RAB3C: variants seen among roughly 807,000 people sequenced by gnomAD.
RAB3C encodes the protein ras-related protein Rab-3C.
RAB3C carries 17 observed loss-of-function variants against 26.4 expected under a neutral mutation model. That is an observed-to-expected ratio of 0.64 (90% confidence interval 0.44 to 0.97). RAB3C has a LOEUF of 0.97. RAB3C is among the 50% of genes least tolerant of loss of function. RAB3C has a pLI of 0.00. For missense variants in RAB3C, 242 were observed against 281.9 expected, an observed-to-expected ratio of 0.86 and a Z score of 1.01; for synonymous variants, 91 against 95.9, an observed-to-expected ratio of 0.95 and a Z score of 0.30.
At chr5:58,662,685 C>A (rs1192519823) in intron 2 of RAB3C, among the ~76,000 whole-genome samples, 1 of 150,032 alleles carries the variant, frequency 6.7e-6, no homozygotes, top group Non-Finnish European at 1.5e-5. Context: ...AAGCCAGACA[C>A]AGAAGAGAAT....
At chr5:58,597,822 C>G (rs111217311) in intron 1 of RAB3C, among the ~76,000 whole-genome samples, 1 of 25,280 alleles carries the variant, frequency 4.0e-5, no homozygotes, top group East Asian at 5.4e-4. Context: ...TATAAGTATA[C>G]GATAACATGT....
At chr5:58,723,648 A>G (rs1209011500) in intron 2 of RAB3C, among the ~76,000 whole-genome samples, 1 of 151,792 alleles carries the variant, frequency 6.6e-6, no homozygotes, top group African/African-American at 2.4e-5. Context: ...AGCAAATTCA[A>G]CATGAGCCCT....
chr5:58,829,616 A>C (rs1180448297), intron 4 of RAB3C, among the ~76,000 whole-genome samples: 2 of 152,216 alleles, frequency 1.3e-5, no homozygotes, highest in Non-Finnish European at 2.9e-5. Flanking sequence ...ATTATTAATA[A>C]TTTGTAAGGA....
intron 2 of RAB3C, among the ~76,000 whole-genome samples, chr5:58,703,117 C>G (rs1406923588): frequency 2.0e-5 from 3 of 151,992 alleles, no homozygotes; most frequent in African/African-American, 4.8e-5. Flanking sequence ...ACGTGGCAAC[C>G]AAAATTATAT....
At chr5:58,712,956 G>A (rs531793229) in intron 2 of RAB3C, among the ~76,000 whole-genome samples, 47 of 152,302 alleles carry the variant, frequency 3.1e-4, no homozygotes, top group Non-Finnish European at 6.5e-4. Context: ...ATAGGTACAG[G>A]CTGGGAAACA....
intron 2 of RAB3C, among the ~76,000 whole-genome samples, chr5:58,680,834 C>G (rs1579854387): frequency 6.6e-6 from 1 of 152,202 alleles, no homozygotes; most frequent in Admixed American, 6.5e-5. Context: ...GACCCTTAAT[C>G]ACATCTTCTA....
At chr5:58,833,237 T>C (rs1467401625) in intron 4 of RAB3C, among the ~76,000 whole-genome samples, 3 of 152,072 alleles carry the variant, frequency 2.0e-5, no homozygotes, top group Admixed American at 6.6e-5. Flanking sequence ...GGGTAAATTA[T>C]GGCGAGGCCT....
chr5:58,799,855 T>C lies in RAB3C; in HGVS notation c.372-25183T>C, dbSNP rs1218758109. On this transcript the variant is annotated intron_variant, in intron 3 of 4. Coordinates refer to ENST00000282878, the MANE Select transcript of RAB3C (RefSeq NM_138453.4). ...AAGACAACTTTAAAGATAGCTTTAA[T>C]AGAAGTCAATGTAATATACAGTTGT... Among the ~76,000 whole-genome samples the C allele has an allele frequency of 2.0e-5, 3 of 152,192 alleles. No homozygotes were observed. In the East Asian group the frequency reaches 5.8e-4, roughly 29 times the overall value.
intron 2 of RAB3C, among the ~76,000 whole-genome samples, chr5:58,724,888 A>G (rs1016018626): frequency 1.3e-5 from 2 of 151,488 alleles, no homozygotes; most frequent in South Asian, 2.1e-4. Context: ...ATATATTTAT[A>G]TTGCCTTTCT....
rs137969219 is a variant in RAB3C at position 58,587,549 on chromosome 5, C to T, written c.24+4317C>T. ...AATAACATAGATCTTTAGCATTTTTCGTTCATTAGTTTATAGGTTTTTAGA... is the reference window on the plus strand; with the variant it reads ...AATAACATAGATCTTTAGCATTTTTTGTTCATTAGTTTATAGGTTTTTAGA... On this transcript the variant is annotated intron_variant, in intron 1 of 4. Coordinates refer to ENST00000282878, the MANE Select transcript of RAB3C (RefSeq NM_138453.4). Among the ~76,000 whole-genome samples the T allele has an allele frequency of 8.9e-3, 1,358 of 152,118 alleles. 6 individuals carry two copies. The highest frequency in any genetic ancestry group is 0.015 in the Non-Finnish European group (1,039 of 67,988).
intron 2 of RAB3C, among the ~76,000 whole-genome samples, chr5:58,681,937 T>C (rs2111842022): frequency 6.6e-6 from 1 of 152,340 alleles, no homozygotes; most frequent in Non-Finnish European, 1.5e-5. Flanking sequence ...TTTGAGGCTG[T>C]GCAAAGGAAA....
In RAB3C at chr5:58,851,412, A is replaced by G; in HGVS notation, c.*61A>G. The G allele has an allele frequency of 7.4e-7, 1 of 1,360,038 alleles. No homozygotes were observed. Among genetic ancestry groups the G allele is most frequent in the Non-Finnish European group, 1.0e-6 (1 of 993,970 alleles). The allele number at this position is 1,360,038 out of a possible 1,614,324, so 84.2% of individuals were successfully genotyped here. On this transcript the variant is annotated 3_prime_UTR_variant, in exon 5 of 5. Coordinates refer to ENST00000282878, the MANE Select transcript of RAB3C (RefSeq NM_138453.4). ...GGTTGCCAACAAACAGCATTTGTAA[A>G]TGGTCTATTAGCCTTCATTTATACT... is the stretch of plus-strand genomic sequence containing the variant.
At chr5:58,756,116 A>G (rs1290477139) in intron 3 of RAB3C, among the ~76,000 whole-genome samples, 1 of 151,482 alleles carries the variant, frequency 6.6e-6, no homozygotes, top group Non-Finnish European at 1.5e-5. Flanking sequence ...AGCATTTCAC[A>G]CAATTGGCTT....
chr5:58,632,447 A>T (rs1368936150), intron 2 of RAB3C, among the ~76,000 whole-genome samples: 1 of 152,206 alleles, frequency 6.6e-6, no homozygotes, highest in Non-Finnish European at 1.5e-5. Flanking sequence ...TAAACTTCCC[A>T]GGTGATAACT....
intron 1 of RAB3C, among the ~76,000 whole-genome samples, chr5:58,593,920 G>A (rs553532766): frequency 2.6e-5 from 4 of 152,168 alleles, no homozygotes; most frequent in East Asian, 1.9e-4. Flanking sequence ...TAGGTCTAGC[G>A]ACCTTCAAAA....
chr5:58,621,310 C>A (rs1321948634), intron 2 of RAB3C, among the ~76,000 whole-genome samples: 1 of 152,022 alleles, frequency 6.6e-6, no homozygotes, highest in Non-Finnish European at 1.5e-5. Flanking sequence ...TTAAACTGCC[C>A]CCAAATAGAA....
intron 3 of RAB3C, among the ~76,000 whole-genome samples, chr5:58,789,588 A>G (rs76018948): frequency 6.6e-6 from 1 of 152,142 alleles, no homozygotes; most frequent in Non-Finnish European, 1.5e-5. Context: ...GAAGTTAAGT[A>G]TCTCAGCCAG....
At chr5:58,727,809 A>G (rs913285388) in intron 3 of RAB3C, among the ~76,000 whole-genome samples, 11 of 152,008 alleles carry the variant, frequency 7.2e-5, no homozygotes, top group African/African-American at 2.2e-4. Flanking sequence ...TCTTAAAAAC[A>G]TGGAAGACCT....
chr5:58,852,789 T>A lies in RAB3C; in HGVS notation c.*1438T>A, dbSNP rs1744141136. ...TAGGATTTAGGAAGGAAGCAGGAAT[T>A]ATTTGGCAGATTTGGAAGGATAGTT... On this transcript the variant is annotated 3_prime_UTR_variant, in exon 5 of 5. Transcript: ENST00000282878. 6.6e-6 allele frequency: 1 copy of A among 152,230 alleles called. No homozygotes were observed. Among genetic ancestry groups the A allele is most frequent in the Admixed American group, 6.5e-5 (1 of 15,286 alleles). 9.4% of individuals were successfully genotyped at this position (152,230 alleles called of 1,614,324 possible).
Sources: gnomAD v4.1 joint callset for allele counts (sites outside exome capture counted in the v4.1 genomes callset) on GRCh38, gnomAD v4.1.1 for gene constraint, MANE v1.5 for transcripts, NCBI Gene and HGNC (gene_info 2026-07-23, HGNC 2026-07-21) for gene names.